The following PCSK6 variants were observed in gnomAD, a reference collection of about 807,000 sequenced individuals.
The protein encoded by PCSK6 is paired basic amino acid cleaving enzyme 4.
Under a neutral mutation model 123.3 loss-of-function variants are expected in PCSK6, and 85 were observed. The observed-to-expected ratio is 0.69, with a 90% confidence interval of 0.58 to 0.83. The LOEUF is 0.83. Among genes scored for constraint, PCSK6 ranks in the 40% least tolerant of loss-of-function variants. The probability of loss-of-function intolerance (pLI) is 0.00; values close to 1 mark genes in which losing one functional copy is unlikely to be tolerated. For synonymous variants in PCSK6, 508 were observed against 516.0 expected, an observed-to-expected ratio of 0.98 and a Z score of 0.21; for missense variants, 1,191 against 1,282.3, an observed-to-expected ratio of 0.93 and a Z score of 1.09.
At chr15:101,420,827 A>G (rs1239768865) in intron 6 of PCSK6, among the ~76,000 whole-genome samples, 3 of 152,260 alleles carry the variant, frequency 2.0e-5, no homozygotes, top group Non-Finnish European at 4.4e-5. Context: ...CTCTCTGGAA[A>G]CAATGAAGAT....
chr15:101,463,761 G>A (rs2057391675), intron 1 of PCSK6, among the ~76,000 whole-genome samples: 1 of 152,182 alleles, frequency 6.6e-6, no homozygotes, highest in East Asian at 1.9e-4. Flanking sequence ...CCGGGGAGTT[G>A]GGGTGTGGGG....
chr15:101,454,746 A>G (rs973661179), intron 1 of PCSK6, among the ~76,000 whole-genome samples: 20 of 152,132 alleles, frequency 1.3e-4, no homozygotes, highest in African/African-American at 4.8e-4. Flanking sequence ...GGAGTTAGAG[A>G]CCAGCCTGGC....
At chr15:101,341,784 A>G (rs1325663671) in intron 13 of PCSK6, among the ~76,000 whole-genome samples, 1 of 152,176 alleles carries the variant, frequency 6.6e-6, no homozygotes, top group Non-Finnish European at 1.5e-5. Flanking sequence ...TACAGGAAAG[A>G]ATAAAGAGCA....
At chr15:101,307,073 G>A in intron 21 of PCSK6, 140 bp downstream of exon 21, 1 of 646,406 alleles carries the variant, frequency 1.5e-6, no homozygotes, top group Non-Finnish European at 2.8e-6. Context: ...AGGAATCCCA[G>A]ACAGTCAATC....
intron 13 of PCSK6, among the ~76,000 whole-genome samples, chr15:101,334,957 G>T (rs772367386): frequency 6.6e-6 from 1 of 151,986 alleles, no homozygotes; most frequent in Non-Finnish European, 1.5e-5. Flanking sequence ...GTGTGTGTGT[G>T]TATGTGTGTA....
chr15:101,344,378 CA>C (rs1385100747), intron 13 of PCSK6, among the ~76,000 whole-genome samples: 1 of 152,166 alleles, frequency 6.6e-6, no homozygotes, highest in African/African-American at 2.4e-5. Flanking sequence ...AACCTTTTAC[CA>C]ATATGTATAG....
chr15:101,359,036 G>A (rs1023571975), intron 13 of PCSK6, among the ~76,000 whole-genome samples: 4 of 152,198 alleles, frequency 2.6e-5, no homozygotes, highest in African/African-American at 9.7e-5. Context: ...GTGACAGGAA[G>A]GCGCCCGTCC....
At chr15:101,408,797 G>A (rs975931905) in intron 6 of PCSK6, among the ~76,000 whole-genome samples, 10 of 152,172 alleles carry the variant, frequency 6.6e-5, no homozygotes, top group Non-Finnish European at 1.2e-4. Flanking sequence ...AAACACTAAC[G>A]AGACTGAATT....
chr15:101,382,291 C>T (rs1194264431), intron 10 of PCSK6, 82 bp from the exon 11 acceptor site: 2 of 1,105,954 alleles, frequency 1.8e-6, no homozygotes, highest in African/African-American at 3.1e-5. Context: ...TCTGCCGGGC[C>T]CCATGGAGGA....
chr15:101,317,194 G>A (rs2040011936), intron 19 of PCSK6, among the ~76,000 whole-genome samples: 1 of 152,174 alleles, frequency 6.6e-6, no homozygotes, highest in Non-Finnish European at 1.5e-5. Flanking sequence ...TTACAGGCAT[G>A]AACCACTGTG....
rs57613156 is a variant in PCSK6, at chr15:101,316,910, G to GTTTTTTTTTTTTTTT, written c.2569+1394_2569+1408dup. ...ACTGGTTTAGCAGAGACTTAATTCT[G>GTTTTTTTTTTTTTTT]TTTTTTTTTTTTTTTTTTTGACAGA... is the stretch of plus-strand genomic sequence containing the variant. On this transcript the variant is annotated intron_variant, in intron 19 of 21. Coordinates refer to ENST00000611716, the MANE Select transcript of PCSK6 (RefSeq NM_002570.5). Among the ~76,000 whole-genome samples the GTTTTTTTTTTTTTTT allele has an allele frequency of 4.7e-4, 54 of 114,938 alleles. 5 individuals carry two copies. Among genetic ancestry groups the GTTTTTTTTTTTTTTT allele is most frequent in the African/African-American group, 1.3e-3 (33 of 25,386 alleles). 75.4% of individuals were successfully genotyped at this position (114,938 alleles called of 152,430 possible).
At chr15:101,354,217 A>G (rs1567160330) in intron 13 of PCSK6, among the ~76,000 whole-genome samples, 1 of 152,216 alleles carries the variant, frequency 6.6e-6, no homozygotes, top group African/African-American at 2.4e-5. Flanking sequence ...ATACATGTAC[A>G]AGTATACACA....
intron 18 of PCSK6, among the ~76,000 whole-genome samples, chr15:101,320,454 C>T (rs1207555991): frequency 2.0e-5 from 3 of 152,144 alleles, no homozygotes; most frequent in Non-Finnish European, 1.5e-5. Flanking sequence ...GGGAAAAACC[C>T]ACACGTTTTG....
intron 10 of PCSK6, 110 bp from the exon 11 acceptor site, chr15:101,382,319 TCGAGGTCTCCTGGGGGCCCCAGG>T (rs2041932281): frequency 1.2e-6 from 1 of 836,098 alleles, no homozygotes; most frequent in Non-Finnish European, 1.9e-6. Flanking sequence ...ACCGTAAGAC[TCGAGGTCTCCTGGGGGCCCCAGG>T]CTGCAGGACG....
chr15:101,463,834 A>G (rs1031659065), intron 1 of PCSK6, among the ~76,000 whole-genome samples: 8 of 152,126 alleles, frequency 5.3e-5, no homozygotes, highest in African/African-American at 1.9e-4. Context: ...GGTCAGGTAG[A>G]TTCTTCCTAT....
intron 20 of PCSK6, 97 bp from the exon 21 acceptor site, chr15:101,307,422 A>C (rs1596160478): frequency 2.5e-6 from 2 of 803,682 alleles, no homozygotes; most frequent in Non-Finnish European, 4.1e-6. Flanking sequence ...CCTCCTTCCC[A>C]CCCCCTCAGC....
chr15:101,461,678 G>A (rs12915569), intron 1 of PCSK6, among the ~76,000 whole-genome samples: 111,196 of 152,100 alleles, frequency 0.73, 41,339 homozygotes, highest in Non-Finnish European at 0.82. Context: ...AAAAATGCAA[G>A]GGTATTTTAG....
At chr15:101,347,422 A>G in intron 13 of PCSK6, 1 of 1,238,598 alleles carries the variant, frequency 8.1e-7, no homozygotes, top group Non-Finnish European at 1.0e-6. Flanking sequence ...TAGGATGAAT[A>G]AAGGGAAAAC....
intron 11 of PCSK6, among the ~76,000 whole-genome samples, chr15:101,372,726 C>A (rs1045742361): frequency 6.6e-6 from 1 of 152,132 alleles, no homozygotes; most frequent in African/African-American, 2.4e-5. Flanking sequence ...ACTCAGTGCT[C>A]CCCTGGGGCT....
Sources: gnomAD v4.1 joint callset for allele counts (sites outside exome capture counted in the v4.1 genomes callset) on GRCh38, gnomAD v4.1.1 for gene constraint, MANE v1.5 for transcripts, NCBI Gene and HGNC (gene_info 2026-07-23, HGNC 2026-07-21) for gene names.